The following RASA2 variants were observed in gnomAD, a reference collection of about 807,000 sequenced individuals.
RASA2 encodes RAS p21 protein activator 2.
Under a neutral mutation model 118.2 loss-of-function variants are expected in RASA2, and 155 were observed. The observed-to-expected ratio is 1.31, with a 90% CI of 1.15 to 1.50. RASA2 has a LOEUF of 1.50. Ranked by LOEUF, RASA2 falls within the 40% of genes most tolerant of loss-of-function variation. The pLI, the probability that RASA2 is intolerant of heterozygous loss-of-function variation, is 0.00. For synonymous variants in RASA2, 353 were observed against 349.1 expected (o/e 1.01, Z -0.12); for missense variants, 1,016 against 1,009.6 (o/e 1.01, Z -0.09).
chr3:141,589,555 T>C (rs1217317597), intron 19 of RASA2, among the ~76,000 whole-genome samples: 3 of 152,114 alleles, frequency 2.0e-5, no homozygotes, highest in Non-Finnish European at 4.4e-5. Context: ...TAAGAACCTC[T>C]GTTCTGGCCG....
intron 1 of RASA2, among the ~76,000 whole-genome samples, chr3:141,498,686 A>G: frequency 6.6e-6 from 1 of 151,754 alleles, no homozygotes; most frequent in East Asian, 1.9e-4. Flanking sequence ...TATGAATCCT[A>G]TTTTGGCCCC....
intron 14 of RASA2, among the ~76,000 whole-genome samples, chr3:141,575,679 T>C (rs2082999253): frequency 6.7e-6 from 1 of 148,292 alleles, no homozygotes; most frequent in African/African-American, 2.5e-5. Flanking sequence ...AACTACATGC[T>C]GCCATTCACT....
chr3:141,572,546 T>G (rs1399620489), intron 11 of RASA2, 63 bp from the exon 12 acceptor site: 2 of 1,145,610 alleles, frequency 1.7e-6, no homozygotes. Flanking sequence ...TGGTCAAGTA[T>G]GTTATATTAT....
intron 1 of RASA2, among the ~76,000 whole-genome samples, chr3:141,490,086 A>G (rs2081622454): frequency 6.6e-6 from 1 of 151,876 alleles, no homozygotes; most frequent in African/African-American, 2.4e-5. Context: ...CTATAAGACA[A>G]AATATTGTCA....
chr3:141,520,994 A>G (rs561692943), intron 3 of RASA2, among the ~76,000 whole-genome samples: 2 of 152,338 alleles, frequency 1.3e-5, no homozygotes, highest in African/African-American at 4.8e-5. Context: ...TCTTGTTTGT[A>G]TGGCTGTCAT....
chr3:141,503,969 A>G (rs1002967061), intron 1 of RASA2, among the ~76,000 whole-genome samples: 4 of 152,250 alleles, frequency 2.6e-5, no homozygotes, highest in South Asian at 2.1e-4. Flanking sequence ...AGAAGTTTAC[A>G]TACAATTTTA....
At chr3:141,562,870 A>C (rs2082757707) in intron 9 of RASA2, among the ~76,000 whole-genome samples, 2 of 151,838 alleles carry the variant, frequency 1.3e-5, no homozygotes, top group African/African-American at 4.8e-5. Flanking sequence ...ATGGGGTTTC[A>C]CCATGTTCAC....
chr3:141,556,557 CA>C (rs2082652863), intron 7 of RASA2, among the ~76,000 whole-genome samples: 1 of 151,844 alleles, frequency 6.6e-6, no homozygotes, highest in Non-Finnish European at 1.5e-5. Flanking sequence ...GTCCCAAATA[CA>C]GTTTGGACAA....
rs1296359319 is a variant in RASA2, at chr3:141,558,866, C to T, written c.685-20C>T. ...TGTATTTTTTTAAAAAAAATTTTTA[C>T]TAAAATATTTTGTTTACAGGTAACC... On this transcript the variant is annotated intron_variant, in intron 7 of 23. Coordinates refer to ENST00000286364, the MANE Select transcript of RASA2 (RefSeq NM_006506.5). 1.9e-6 allele frequency: 3 copies of T among 1,545,638 alleles called. No individual in the cohort carries two copies. The African/African-American group carries it at 4.1e-5, about 21-fold the overall frequency.
rs1560034221 is a variant in RASA2, at chr3:141,562,555, G to GCA, written c.863+2560_863+2561insCA. On this transcript the variant is annotated intron_variant, in intron 9 of 23. Transcript: ENST00000286364. ...GAGAAATTGCGTGCACCTGGGAGCG[G>GCA]GAGCTTACAGTAAGCTGAGATCCAC... 3.2e-4 allele frequency among the ~76,000 whole-genome samples: 21 copies of GCA among 65,102 alleles called. No individual in the cohort carries two copies. In the East Asian group the frequency reaches 3.6e-3, roughly 11 times the overall value. The allele number at this position is 65,102 out of a possible 152,430, so 42.7% of individuals were successfully genotyped here.
intron 3 of RASA2, among the ~76,000 whole-genome samples, chr3:141,517,498 T>A (rs1447934998): frequency 1.3e-5 from 2 of 151,962 alleles, no homozygotes; most frequent in Non-Finnish European, 2.9e-5. Flanking sequence ...AATAACCAGA[T>A]CTCATGAGAA....
chr3:141,536,540 G>C (rs1417947903), intron 4 of RASA2, among the ~76,000 whole-genome samples: 7 of 151,486 alleles, frequency 4.6e-5, no homozygotes, highest in Non-Finnish European at 7.3e-5. Context: ...AACATAGTCA[G>C]TGCTATGGAA....
At chr3:141,571,283 AAATT>A in intron 10 of RASA2, 119 bp from the exon 11 acceptor site, 1 of 1,417,542 alleles carries the variant, frequency 7.1e-7, no homozygotes. Context: ...AAAATTTCGA[AAATT>A]AAATGTCCTG....
At chr3:141,511,336 G>A (rs765031487) in intron 1 of RASA2, among the ~76,000 whole-genome samples, 32 of 152,240 alleles carry the variant, frequency 2.1e-4, no homozygotes, top group Non-Finnish European at 3.5e-4. Flanking sequence ...TCTGGGAGGC[G>A]TTCGCATTAA....
chr3:141,570,217 CT>C (rs35327031), intron 9 of RASA2, among the ~76,000 whole-genome samples: 1,607 of 145,698 alleles, frequency 0.011, 17 homozygotes, highest in Middle Eastern at 0.028. Context: ...GTCTTATCTA[CT>C]TTTTTTTTTT....
chr3:141,595,645 C>CT (rs1560058449), intron 19 of RASA2, among the ~76,000 whole-genome samples: 1 of 147,890 alleles, frequency 6.8e-6, no homozygotes, highest in Non-Finnish European at 1.5e-5. Context: ...TTTCTTTTTT[C>CT]TTTTTTTGAG....
intron 5 of RASA2, among the ~76,000 whole-genome samples, chr3:141,543,209 T>C (rs181868865): frequency 9.2e-5 from 14 of 151,918 alleles, no homozygotes; most frequent in African/African-American, 3.4e-4. Context: ...TTGTATAGAT[T>C]TTTTTTTAGT....
chr3:141,518,407 C>G (rs908381573), intron 3 of RASA2, among the ~76,000 whole-genome samples: 6 of 135,020 alleles, frequency 4.4e-5, no homozygotes, highest in Admixed American at 2.5e-4. Flanking sequence ...CGCTTGAATC[C>G]GGGAGGCAGA....
At chr3:141,505,919 G>A (rs1470477183) in intron 1 of RASA2, among the ~76,000 whole-genome samples, 1 of 152,112 alleles carries the variant, frequency 6.6e-6, no homozygotes, top group Admixed American at 6.5e-5. Context: ...TCACATGTGG[G>A]CGAGAGGATA....
Sources: gnomAD v4.1 joint callset for allele counts (sites outside exome capture counted in the v4.1 genomes callset) on GRCh38, gnomAD v4.1.1 for gene constraint, MANE v1.5 for transcripts, NCBI Gene and HGNC (gene_info 2026-07-23, HGNC 2026-07-21) for gene names.